The following NPNT variants were observed in gnomAD, a reference collection of about 807,000 sequenced individuals.
The protein encoded by NPNT is nephronectin.
NPNT carries 45 observed loss-of-function variants against 68.6 expected under a neutral mutation model. The ratio of observed to expected loss-of-function variants is 0.66; its 90% confidence interval spans 0.52 to 0.84. The LOEUF is 0.84. Among genes scored for constraint, NPNT ranks in the 40% least tolerant of loss-of-function variants. The pLI, the probability that NPNT is intolerant of heterozygous loss-of-function variation, is 0.00. For synonymous variants in NPNT, 233 were observed against 253.3 expected (o/e 0.92, Z 0.76); for missense variants, 672 against 714.8 (o/e 0.94, Z 0.68).
chr4:105,895,745 C>T (rs1487648856), intron 1 of NPNT, 22 bp downstream of exon 1: 6 of 1,544,346 alleles, frequency 3.9e-6, no homozygotes, highest in Non-Finnish European at 5.3e-6. Context: ...CCCGGGGCGC[C>T]CTCTCCTCCT....
At chr4:105,899,462 A>G (rs945928351) in intron 2 of NPNT, among the ~76,000 whole-genome samples, 1 of 152,114 alleles carries the variant, frequency 6.6e-6, no homozygotes. Flanking sequence ...CTTCCCTTAA[A>G]ACAATATTGA....
Position 105,895,619 on chromosome 4 carries a change from C to T in NPNT, c.-34C>T, listed in dbSNP as rs771653231. 6.5e-7 allele frequency: 1 copy of T among 1,540,156 alleles called. No individual in the cohort carries two copies. The highest frequency in any genetic ancestry group is 1.2e-5 in the South Asian group (1 of 83,684). On this transcript the variant is annotated 5_prime_UTR_variant, in exon 1 of 12. Coordinates refer to ENST00000379987, the MANE Select transcript of NPNT (RefSeq NM_001033047.3). ...ACCACCCCAACCTGTTCCTCGCGCG[C>T]CACTGCGCTGCGCCCCAGGACCCGC...
rs181560776 is a variant in NPNT at position 105,914,681 on chromosome 4, A to G, written c.173-12655A>G. 9.5e-4 allele frequency among the ~76,000 whole-genome samples: 145 copies of G among 151,874 alleles called. 2 individuals are homozygous for G. The highest frequency in any genetic ancestry group is 1.5e-3 in the South Asian group (7 of 4,808). On this transcript the variant is annotated intron_variant, in intron 2 of 11. Transcript: ENST00000379987. ...TCTGTGAGAGCATATCTTAAGGGGCAGTAGCCCAGACCAGCAGTGATGGAG... is the reference window on the plus strand; with the variant it reads ...TCTGTGAGAGCATATCTTAAGGGGCGGTAGCCCAGACCAGCAGTGATGGAG...
chr4:105,927,444 G>A lies in NPNT; in HGVS notation c.265+16G>A. The A allele has an allele frequency of 6.6e-7, 1 of 1,505,774 alleles. No individual in the cohort carries two copies. Among genetic ancestry groups the A allele is most frequent in the South Asian group, 1.1e-5 (1 of 88,156 alleles). The allele number at this position is 1,505,774 out of a possible 1,614,324, so 93.3% of individuals were successfully genotyped here. On this transcript the variant is annotated intron_variant, in intron 3 of 11. Coordinates refer to ENST00000379987, the MANE Select transcript of NPNT (RefSeq NM_001033047.3). ...TGTAATCAAGGTAGGAAAACAGTCT[G>A]ACATAAATACACAATCGAAGACACC...
intron 2 of NPNT, among the ~76,000 whole-genome samples, chr4:105,915,029 T>G (rs755214087): frequency 3.9e-5 from 6 of 152,160 alleles, no homozygotes; most frequent in East Asian, 1.9e-4. Context: ...TGGTAATGGA[T>G]CAGATCTAGC....
In NPNT at chr4:105,937,026, C is replaced by T; in HGVS notation, c.283C>T (p.Leu95=). ...TCNQDLNECG[L]KPRPCKHRCM... is the part of the protein sequence containing the mutation. ...GTTTTCAGATCTAAATGAGTGTGGC[C>T]TGAAGCCCCGGCCCTGTAAGCACAG... Residue 95 remains leucine (L), a synonymous_variant, in exon 4 of 12, where the codon CTG becomes TTG. Coordinates refer to ENST00000379987, the MANE Select transcript of NPNT (RefSeq NM_001033047.3). 1.9e-6 allele frequency: 3 copies of T among 1,613,256 alleles called. No homozygotes were observed. Among genetic ancestry groups the T allele is most frequent in the Non-Finnish European group, 2.5e-6 (3 of 1,179,584 alleles).
At chr4:105,954,790 G>A (rs1046281975) in intron 8 of NPNT, among the ~76,000 whole-genome samples, 1 of 152,084 alleles carries the variant, frequency 6.6e-6, no homozygotes, top group African/African-American at 2.4e-5. Flanking sequence ...TTTTTATGAC[G>A]TGTATCCTCC....
intron 10 of NPNT, among the ~76,000 whole-genome samples, chr4:105,960,932 C>A (rs1268262083): frequency 6.6e-6 from 1 of 152,192 alleles, no homozygotes; most frequent in African/African-American, 2.4e-5. Flanking sequence ...CCATCCCCAA[C>A]AGATATTATA....
intron 8 of NPNT, among the ~76,000 whole-genome samples, chr4:105,957,507 T>C (rs940497435): frequency 1.3e-5 from 2 of 152,228 alleles, no homozygotes; most frequent in East Asian, 3.8e-4. Flanking sequence ...AAATACTACC[T>C]GGGGTTCTAA....
At chr4:105,898,074 C>T (rs748428365) in intron 2 of NPNT, 73 bp downstream of exon 2, 81 of 1,009,790 alleles carry the variant, frequency 8.0e-5, no homozygotes, top group Non-Finnish European at 1.2e-4. Flanking sequence ...CTTCACCCCA[C>T]ATATCAGAGG....
intron 9 of NPNT, 66 bp from the exon 10 acceptor site, chr4:105,958,962 A>C: frequency 9.9e-7 from 1 of 1,008,546 alleles, no homozygotes. Flanking sequence ...CCCCTAGTTC[A>C]TAGATTCATT....
rs923818102 is a variant in NPNT, at chr4:105,970,458, C to G, written c.*1468C>G. ...AATTAAAGGAACTGGGATTATTGAG[C>G]CTGGAGAAGAGAAGACTGAGGGGCA... On this transcript the variant is annotated 3_prime_UTR_variant, in exon 12 of 12. Coordinates refer to ENST00000379987, the MANE Select transcript of NPNT (RefSeq NM_001033047.3). 1.4e-6 allele frequency: 1 copy of G among 699,110 alleles called. No homozygotes were observed. Among genetic ancestry groups the G allele is most frequent in the Non-Finnish European group, 2.6e-6 (1 of 382,330 alleles). The allele number at this position is 699,110 out of a possible 1,614,324, so 43.3% of individuals were successfully genotyped here. A position where few individuals can be genotyped will look rare whatever the true frequency, so the allele number is the denominator to read the frequency against.
intron 8 of NPNT, among the ~76,000 whole-genome samples, chr4:105,954,739 ACTT>A (rs936753157): frequency 2.6e-5 from 4 of 151,980 alleles, no homozygotes; most frequent in Admixed American, 6.6e-5. Context: ...AGCTCATAGT[ACTT>A]CTTCTTATGT....
In NPNT at chr4:105,938,418, T is replaced by A; in HGVS notation, c.503T>A (p.Val168Glu). Residue 168 changes from valine (V) to glutamate (E), a missense_variant and splice_region_variant, in exon 5 of 12, where the codon GTA (valine) becomes GAA (glutamate). By Grantham distance (121) the Val-to-Glu change is moderately radical. Coordinates refer to ENST00000379987, the MANE Select transcript of NPNT (RefSeq NM_001033047.3). ...CTGGCTCCTGATGGGAGGACCTGTG[T>A]AGGTGAGTTGTAAAATCAAGCATCT... ...LQLAPDGRTC[V>E]DVDECATGRA... 1 of 1,612,776 alleles carries A rather than the reference T, an allele frequency of 6.2e-7. No homozygotes were observed. Among genetic ancestry groups the A allele is most frequent in the Non-Finnish European group, 8.5e-7 (1 of 1,179,478 alleles).
At chr4:105,942,851 A>G (rs1156628403) in intron 8 of NPNT, 149 bp downstream of exon 8, 1 of 729,204 alleles carries the variant, frequency 1.4e-6, no homozygotes, top group Non-Finnish European at 2.2e-6. Context: ...ATAAAGAGCT[A>G]CATAAAGAGT....
At chr4:105,913,718 A>T (rs930290234) in intron 2 of NPNT, among the ~76,000 whole-genome samples, 8 of 152,226 alleles carry the variant, frequency 5.3e-5, no homozygotes, top group Admixed American at 1.3e-4. Context: ...TTTGGAAATA[A>T]TCAATTGGAA....
intron 2 of NPNT, among the ~76,000 whole-genome samples, chr4:105,919,888 T>C (rs1362836841): frequency 6.6e-6 from 1 of 152,022 alleles, no homozygotes; most frequent in Admixed American, 6.6e-5. Context: ...TGTGGGGTAA[T>C]ACATTCACAC....
At chr4:105,912,590 G>C (rs1727457857) in intron 2 of NPNT, 1 of 992,262 alleles carries the variant, frequency 1.0e-6, no homozygotes, top group Admixed American at 5.5e-5. Context: ...ACTAACACCA[G>C]CCTATCATTA....
At chr4:105,939,435 G>C (rs954166839) in intron 5 of NPNT, among the ~76,000 whole-genome samples, 1 of 152,176 alleles carries the variant, frequency 6.6e-6, no homozygotes, top group Admixed American at 6.6e-5. Flanking sequence ...AGATATAATG[G>C]GTGAAGTAGG....
Sources: gnomAD v4.1 joint callset for allele counts (sites outside exome capture counted in the v4.1 genomes callset) on GRCh38, gnomAD v4.1.1 for gene constraint, MANE v1.5 for transcripts, NCBI Gene and HGNC (gene_info 2026-07-23, HGNC 2026-07-21) for gene names.